Variants in FBXO4 observed in about 807,000 individuals in gnomAD.
FBXO4 encodes F-box protein 4.
Under a neutral mutation model 43.7 loss-of-function variants are expected in FBXO4, and 36 were observed. The ratio of observed to expected loss-of-function variants is 0.82; its 90% CI spans 0.63 to 1.09. The LOEUF is 1.09. Ranked by LOEUF, FBXO4 falls within the 50% of genes least tolerant of loss-of-function variation. The probability of loss-of-function intolerance (pLI) is 0.00; values close to 1 mark genes in which losing one functional copy is unlikely to be tolerated. For missense variants in FBXO4, 435 were observed against 474.1 expected (o/e 0.92, Z 0.77); for synonymous variants, 180 against 165.6 (o/e 1.09, Z -0.67).
At position 41,939,541 on chromosome 5, in the gene FBXO4, A is replaced by G; in HGVS notation, c.999A>G (p.Gln333=). The stretch of plus-strand genomic sequence containing the variant: ...TGTTGGTTTTATCTTGTATTTCTCA[A>G]GGGGATGTAAAAAGAATGCCCTGTT... The part of the protein sequence containing the change: ...RPLLVLSCIS[Q]GDVKRMPCFY... Residue 333 remains glutamine (Q), a synonymous_variant, in exon 6 of 7, where the codon CAA becomes CAG. Transcript: ENST00000281623. The G allele has an allele frequency of 6.2e-7, 1 of 1,613,890 alleles. No individual in the cohort carries two copies. Among genetic ancestry groups the G allele is most frequent in the Non-Finnish European group, 8.5e-7 (1 of 1,179,862 alleles).
the FBXO4 span, among the ~76,000 whole-genome samples, chr5:42,007,672 G>A: frequency 2.6e-5 from 4 of 152,116 alleles, no homozygotes; most frequent in Middle Eastern, 3.4e-3. Context: ...GCTAATAAAC[G>A]TTTGATTCTT....
chr5:42,031,878 A>G, the FBXO4 span, among the ~76,000 whole-genome samples: 1 of 151,960 alleles, frequency 6.6e-6, no homozygotes, highest in Non-Finnish European at 1.5e-5. Context: ...TTTAACCTGT[A>G]TCTGCATTAG....
chr5:42,001,935 G>C, the FBXO4 span, among the ~76,000 whole-genome samples: 1 of 152,074 alleles, frequency 6.6e-6, no homozygotes, highest in Non-Finnish European at 1.5e-5. Context: ...GACCTTGGGC[G>C]ATCTGCTCGC....
the FBXO4 span, among the ~76,000 whole-genome samples, chr5:42,000,668 CA>C: frequency 6.6e-6 from 1 of 152,066 alleles, no homozygotes; most frequent in Non-Finnish European, 1.5e-5. Context: ...AGACCAACGA[CA>C]AAAAATGACA....
the FBXO4 span, among the ~76,000 whole-genome samples, chr5:41,999,545 G>GTATATA: frequency 2.7e-4 from 28 of 103,402 alleles, no homozygotes; most frequent in African/African-American, 1.2e-3. Flanking sequence ...ACATATATAT[G>GTATATA]TATATATATA....
the FBXO4 span, among the ~76,000 whole-genome samples, chr5:42,030,298 T>C: frequency 1.3e-5 from 2 of 151,924 alleles, no homozygotes; most frequent in Non-Finnish European, 2.9e-5. Context: ...TCAGAAATAA[T>C]GCTGCATGTC....
chr5:41,956,111 A>G, the FBXO4 span, among the ~76,000 whole-genome samples: 55 of 152,358 alleles, frequency 3.6e-4, 2 homozygotes, highest in African/African-American at 1.2e-3. Context: ...AAGAAAGATT[A>G]TAATCTATAA....
chr5:41,967,589 C>T, the FBXO4 span: 3 of 1,109,220 alleles, frequency 2.7e-6, no homozygotes, highest in African/African-American at 3.1e-5. Flanking sequence ...ATTTTTTGAC[C>T]TTCCAGCCAC....
Position 41,933,961 on chromosome 5 carries a change from T to G in FBXO4, c.662T>G (p.Val221Gly). Residue 221 changes from valine (V) to glycine (G), a missense_variant, in exon 4 of 7, where the codon GTC (valine) becomes GGC (glycine). By Grantham distance (109) the Val-to-Gly change is moderately radical. Coordinates refer to ENST00000281623, the MANE Select transcript of FBXO4 (RefSeq NM_012176.3). The part of the protein sequence containing the change: ...QRQIDGIGSG[V>G]NFQLNNQHKF... The stretch of plus-strand genomic sequence containing the variant: ...TCTTTCTTAGGTATTGGATCAGGAG[T>G]CAATTTTCAGTTGAACAACCAACAT... The G allele has an allele frequency of 1.2e-6, 2 of 1,613,062 alleles. No homozygotes were observed. Among genetic ancestry groups the G allele is most frequent in the Non-Finnish European group, 1.7e-6 (2 of 1,179,662 alleles).
chr5:42,030,598 T>C, the FBXO4 span, among the ~76,000 whole-genome samples: 1,065 of 151,694 alleles, frequency 7.0e-3, 12 homozygotes, highest in African/African-American at 0.025. Flanking sequence ...AAAGCCAAAA[T>C]TGACAAATGG....
At chr5:41,967,770 A>G in the FBXO4 span, 2 of 613,564 alleles carry the variant, frequency 3.3e-6, no homozygotes, top group Non-Finnish European at 3.2e-6. Flanking sequence ...TCTTTCTCTC[A>G]TCAATGTGCT....
chr5:41,970,146 T>A, the FBXO4 span, among the ~76,000 whole-genome samples: 1 of 152,124 alleles, frequency 6.6e-6, no homozygotes, highest in Non-Finnish European at 1.5e-5. Flanking sequence ...TCATTTAAAA[T>A]ATTGAGAATT....
chr5:42,019,785 A>G, the FBXO4 span, among the ~76,000 whole-genome samples: 1 of 151,908 alleles, frequency 6.6e-6, no homozygotes, highest in Non-Finnish European at 1.5e-5. Context: ...TTATTAAAAT[A>G]ATATGTAATT....
In FBXO4 at chr5:41,934,150, C is replaced by G. The variant is rs1276852746; in HGVS notation, c.740C>G (p.Ala247Gly). 2.5e-6 allele frequency: 4 copies of G among 1,613,838 alleles called. No individual in the cohort carries two copies. The highest frequency in any genetic ancestry group is 8.5e-7 in the Non-Finnish European group (1 of 1,179,944). ...TTTTCTAGAAAGGAAAGAGATAGAG[C>G]AAGGGAAGAGCATACAAGTGCAGTT... ...YSTTRKERDRAREEHTSAVNK... is the reference protein window; with the variant it reads ...YSTTRKERDRGREEHTSAVNK... The change falls in exon 5 of 7, where the codon GCA becomes GGA. Residue 247 changes from alanine (A) to glycine (G), a missense_variant. Coordinates refer to ENST00000281623, the MANE Select transcript of FBXO4 (RefSeq NM_012176.3).
At chr5:41,952,434 G>T in the FBXO4 span, among the ~76,000 whole-genome samples, 1 of 152,072 alleles carries the variant, frequency 6.6e-6, no homozygotes, top group African/African-American at 2.4e-5. Flanking sequence ...GCATGAAGTT[G>T]TTTGTAATAC....
chr5:41,947,048 C>T, the FBXO4 span, among the ~76,000 whole-genome samples: 2 of 152,254 alleles, frequency 1.3e-5, no homozygotes, highest in Admixed American at 6.5e-5. Context: ...TAAGCTAATA[C>T]TATTGTATTG....
the FBXO4 span, among the ~76,000 whole-genome samples, chr5:41,965,098 A>G: frequency 2.6e-5 from 4 of 152,220 alleles, no homozygotes; most frequent in African/African-American, 9.6e-5. Context: ...AGCTTTCTAC[A>G]TATGGCTAGC....
the FBXO4 span, among the ~76,000 whole-genome samples, chr5:41,999,467 A>G: frequency 0.054 from 1,224 of 22,594 alleles, 30 homozygotes; most frequent in African/African-American, 0.18. Flanking sequence ...GTGTGTGTGT[A>G]TATATATATA....
intron 3 of FBXO4, among the ~76,000 whole-genome samples, chr5:41,931,271 GAA>G (rs1554023800): frequency 6.6e-6 from 1 of 152,226 alleles, no homozygotes; most frequent in Non-Finnish European, 1.5e-5. Flanking sequence ...GAAGATGAGA[GAA>G]GAGAATGAAT....
Sources: gnomAD v4.1 joint callset for allele counts (sites outside exome capture counted in the v4.1 genomes callset) on GRCh38, gnomAD v4.1.1 for gene constraint, MANE v1.5 for transcripts, NCBI Gene and HGNC (gene_info 2026-07-23, HGNC 2026-07-21) for gene names.